The following AKT3 variants were observed in gnomAD, a reference collection of about 807,000 sequenced individuals.
AKT3 encodes the protein RAC-gamma serine/threonine-protein kinase.
A neutral mutation model predicts 65.3 loss-of-function variants in AKT3; 15 were observed. The observed-to-expected ratio is 0.23, with a 90% CI of 0.15 to 0.35. The LOEUF (loss-of-function observed/expected upper bound fraction) is 0.35, where lower values mean the gene tolerates loss of function less well. AKT3 is among the 10% of genes least tolerant of loss of function. The pLI is 1.00. For missense variants in AKT3, 243 were observed against 576.5 expected, an observed-to-expected ratio of 0.42 and a Z score of 5.92; for synonymous variants, 206 against 183.8, an observed-to-expected ratio of 1.12 and a Z score of -0.98.
At chr1:243,663,379 A>G (rs1474070420) in intron 4 of AKT3, among the ~76,000 whole-genome samples, 2 of 152,032 alleles carry the variant, frequency 1.3e-5, no homozygotes, top group Admixed American at 1.3e-4. Context: ...ACATATCAAC[A>G]AATTGAAAGC....
intron 2 of AKT3, among the ~76,000 whole-genome samples, chr1:243,771,211 T>TTAAC (rs1268187438): frequency 3.9e-5 from 6 of 152,110 alleles, no homozygotes; most frequent in African/African-American, 1.4e-4. Context: ...TCAAATGCAG[T>TTAAC]TAACTATTCC....
chr1:243,815,704 T>TA (rs900949207), intron 2 of AKT3, among the ~76,000 whole-genome samples: 2 of 151,706 alleles, frequency 1.3e-5, no homozygotes, highest in African/African-American at 4.8e-5. Flanking sequence ...CTCAAGAACT[T>TA]AGAGATAGCG....
At chr1:243,573,103 A>T in intron 8 of AKT3, 55 bp from the exon 9 acceptor site, 2 of 1,585,046 alleles carry the variant, frequency 1.3e-6, no homozygotes, top group Non-Finnish European at 1.7e-6. Flanking sequence ...TAGTGGGGGA[A>T]ATTAACACAA....
chr1:243,652,791 A>AAAAAAC (rs1681470095), intron 4 of AKT3, among the ~76,000 whole-genome samples: 1 of 149,954 alleles, frequency 6.7e-6, no homozygotes, highest in Non-Finnish European at 1.5e-5. Flanking sequence ...AAAAAAAAAA[A>AAAAAAC]AAGCAGGAGT....
chr1:243,822,753 G>C (rs1237634946), intron 2 of AKT3, among the ~76,000 whole-genome samples: 1 of 152,088 alleles, frequency 6.6e-6, no homozygotes, highest in Non-Finnish European at 1.5e-5. Context: ...TCCAGGAATA[G>C]ACCAATACAG....
chr1:243,589,902 A>T (rs534179023), intron 8 of AKT3, among the ~76,000 whole-genome samples: 12 of 152,228 alleles, frequency 7.9e-5, no homozygotes, highest in Non-Finnish European at 1.8e-4. Context: ...ATACAATGGA[A>T]TATTATTCAG....
At chr1:243,658,346 T>C (rs1252009632) in intron 4 of AKT3, among the ~76,000 whole-genome samples, 2 of 152,142 alleles carry the variant, frequency 1.3e-5, no homozygotes, top group Non-Finnish European at 2.9e-5. Flanking sequence ...CACAGGTATT[T>C]GAAAAATGCT....
intron 2 of AKT3, among the ~76,000 whole-genome samples, chr1:243,770,912 T>C (rs1690140190): frequency 6.6e-6 from 1 of 151,980 alleles, no homozygotes; most frequent in Admixed American, 6.6e-5. Flanking sequence ...ATTTAAAAGC[T>C]GGAGAGCAGA....
In AKT3 at chr1:243,813,488, T is replaced by TA. The variant is rs1269429524; in HGVS notation, c.46+29636dup. ...CCTGTTCCCCAAACGCCTATGGAAA[T>TA]AAAAAAAAAAGAAAAAAAGTACATA... On this transcript the variant is annotated intron_variant, in intron 2 of 13. Transcript: ENST00000673466. Among the ~76,000 whole-genome samples the TA allele has an allele frequency of 5.1e-3, 637 of 125,788 alleles. 5 individuals carry two copies. Among genetic ancestry groups the TA allele is most frequent in the African/African-American group, 0.016 (560 of 34,388 alleles). The allele number at this position is 125,788 out of a possible 152,430, so 82.5% of individuals were successfully genotyped here.
chr1:243,763,926 C>T lies in AKT3; in HGVS notation c.47-68210G>A, dbSNP rs186181546. On this transcript the variant is annotated intron_variant, in intron 2 of 13. Coordinates refer to ENST00000673466, the MANE Select transcript of AKT3 (RefSeq NM_005465.7). ...TGTAAATGGACAGTCTTCACTTTTTCATCAATCTAATCAGCAGAATACTGA... is the reference window on the plus strand; with the variant it reads ...TGTAAATGGACAGTCTTCACTTTTTTATCAATCTAATCAGCAGAATACTGA... 8.3e-3 allele frequency among the ~76,000 whole-genome samples: 1,259 copies of T among 152,088 alleles called. 15 individuals are homozygous for T. Among genetic ancestry groups the T allele is most frequent in the African/African-American group, 0.029 (1,211 of 41,530 alleles).
intron 2 of AKT3, among the ~76,000 whole-genome samples, chr1:243,752,932 T>C (rs893432004): frequency 1.4e-4 from 22 of 152,188 alleles, no homozygotes; most frequent in African/African-American, 2.2e-4. Flanking sequence ...CAAGCAGACA[T>C]CTGAAGTGGG....
chr1:243,849,970 G>A lies in AKT3; in HGVS notation c.-113+70C>T, dbSNP rs1025693023. The A allele has an allele frequency of 2.3e-5, 22 of 959,244 alleles. No homozygotes were observed. In the African/African-American group the frequency reaches 3.7e-4, roughly 16 times the overall value. The allele number at this position is 959,244 out of a possible 1,614,324, so 59.4% of individuals were successfully genotyped here. A position where few individuals can be genotyped will look rare whatever the true frequency, so the allele number is the denominator to read the frequency against. The stretch of plus-strand genomic sequence containing the variant: ...CTGAGGGAGGCAGGGAGGGCGGACC[G>A]GGGCCCGGGGCCCGGAGGGAGTGGA... On this transcript the variant is annotated intron_variant, in intron 1 of 13. Coordinates refer to ENST00000673466, the MANE Select transcript of AKT3 (RefSeq NM_005465.7).
At chr1:243,803,645 TACACACACACACACACAC>T (rs72379577) in intron 2 of AKT3, among the ~76,000 whole-genome samples, 34 of 136,722 alleles carry the variant, frequency 2.5e-4, no homozygotes, top group South Asian at 5.4e-4. Flanking sequence ...GACGTACATG[TACACACACACACACACAC>T]ACACACACAC....
At chr1:243,618,438 A>G (rs1678494136) in intron 6 of AKT3, among the ~76,000 whole-genome samples, 1 of 152,116 alleles carries the variant, frequency 6.6e-6, no homozygotes, top group African/African-American at 2.4e-5. Flanking sequence ...ACAGATGCTA[A>G]TAATTTTTAA....
intron 8 of AKT3, among the ~76,000 whole-genome samples, chr1:243,590,100 TA>T (rs1676119242): frequency 6.6e-6 from 1 of 151,972 alleles, no homozygotes; most frequent in Non-Finnish European, 1.5e-5. Context: ...GGGAGGTAAG[TA>T]AAATGGGGAG....
At chr1:243,582,257 T>C (rs988238573) in intron 8 of AKT3, among the ~76,000 whole-genome samples, 1 of 151,642 alleles carries the variant, frequency 6.6e-6, no homozygotes, top group Admixed American at 6.6e-5. Flanking sequence ...AACTGTGAGA[T>C]ACTATGCAAA....
intron 2 of AKT3, among the ~76,000 whole-genome samples, chr1:243,777,545 G>A (rs566725618): frequency 6.6e-6 from 1 of 152,320 alleles, no homozygotes; most frequent in African/African-American, 2.4e-5. Flanking sequence ...ACTAGTGGAA[G>A]TAACATATAA....
chr1:243,708,470 C>A (rs989925795), intron 2 of AKT3, among the ~76,000 whole-genome samples: 3 of 151,972 alleles, frequency 2.0e-5, no homozygotes, highest in African/African-American at 7.2e-5. Context: ...AAACAAATTT[C>A]TTAAAATGAA....
At chr1:243,498,178 G>A (rs1478727980), downstream of AKT3, among the ~76,000 whole-genome samples, 3 of 152,200 alleles carry the variant, frequency 2.0e-5, no homozygotes, top group Non-Finnish European at 2.9e-5. Context: ...GGGTCAGTTC[G>A]ATCACCTGGC....
Sources: allele counts gnomAD v4.1 joint callset (sites outside exome capture counted in the v4.1 genomes callset), GRCh38; gene constraint gnomAD v4.1.1; transcripts MANE v1.5; gene names NCBI Gene and HGNC (gene_info 2026-07-23, HGNC 2026-07-21).